RASA4B: variants seen among roughly 807,000 people sequenced by gnomAD.
RASA4B encodes RAS p21 protein activator 4B.
Under a neutral mutation model 24.2 loss-of-function variants are expected in RASA4B, and 2 were observed. The observed-to-expected ratio is 0.08, with a 90% CI of 0.03 to 0.26. The LOEUF is 0.26. RASA4B is among the 10% of genes least tolerant of loss of function. The pLI, the probability that RASA4B is intolerant of heterozygous loss-of-function variation, is 1.00. For synonymous variants in RASA4B, 2 were observed against 125.6 expected (o/e 0.02, Z 6.58); for missense variants, 8 against 277.2 (o/e 0.03, Z 6.90).
intron 8 of RASA4B, among the ~76,000 whole-genome samples, chr7:102,500,111 G>A (rs1455534883): frequency 4.6e-4 from 4 of 8,784 alleles, no homozygotes; most frequent in Non-Finnish European, 3.0e-4. Flanking sequence ...CTGGGTGACA[G>A]AGCAAGACTC....
At chr7:102,490,671 C>T (rs1164104504) in intron 17 of RASA4B, among the ~76,000 whole-genome samples, 1 of 152,042 alleles carries the variant, frequency 6.6e-6, no homozygotes, top group African/African-American at 2.4e-5. Context: ...GGTAGCGGGG[C>T]GAGAGGCTCA....
chr7:102,498,893 C>T (rs1284880613), intron 8 of RASA4B, among the ~76,000 whole-genome samples: 5 of 86,588 alleles, frequency 5.8e-5, no homozygotes, highest in Admixed American at 4.4e-4. Context: ...ACATCAAGCC[C>T]GGCCATCACG....
chr7:102,489,624 C>T (rs1437348755), intron 17 of RASA4B, among the ~76,000 whole-genome samples: 2 of 149,384 alleles, frequency 1.3e-5, no homozygotes, highest in African/African-American at 4.9e-5. Context: ...CCCCAAGTAG[C>T]TGGGACTACA....
Position 102,496,120 on chromosome 7 carries a change from A to T in RASA4B, c.1071+20T>A, listed in dbSNP as rs1344787387. Reference sequence around the variant, plus strand: ...GTGTTGTCGTTTGCAAGATGAGGACAATATAGCATGCAACCTCACCTTCAG... The same window carrying T: ...GTGTTGTCGTTTGCAAGATGAGGACTATATAGCATGCAACCTCACCTTCAG... On this transcript the variant is annotated intron_variant, in intron 11 of 20. Transcript: ENST00000465829. 2 of 1,613,716 alleles carry T rather than the reference A, an allele frequency of 1.2e-6. No homozygotes were observed. Among genetic ancestry groups the T allele is most frequent in the Non-Finnish European group, 1.7e-6 (2 of 1,179,616 alleles).
At chr7:102,496,090 G>C (rs759478310) in intron 11 of RASA4B, 50 bp downstream of exon 11, 2 of 1,611,606 alleles carry the variant, frequency 1.2e-6, no homozygotes, top group South Asian at 2.2e-5. Flanking sequence ...TCTCTCTGAA[G>C]CTCAGTGTTG....
intron 17 of RASA4B, among the ~76,000 whole-genome samples, chr7:102,490,755 A>G (rs1474072940): frequency 2.3e-3 from 351 of 149,856 alleles, no homozygotes; most frequent in African/African-American, 4.2e-3. Context: ...AGCTCAGGCC[A>G]CTCCCATAGC....
At chr7:102,500,197 G>A (rs1586775233) in intron 8 of RASA4B, among the ~76,000 whole-genome samples, 1 of 61,032 alleles carries the variant, frequency 1.6e-5, no homozygotes, top group East Asian at 4.7e-4. Context: ...GAGGGGCCGG[G>A]CGCGGTGGCT....
At chr7:102,497,259 A>C (rs1163279410) in intron 8 of RASA4B, among the ~76,000 whole-genome samples, 2 of 151,474 alleles carry the variant, frequency 1.3e-5, no homozygotes, top group Non-Finnish European at 3.0e-5. Flanking sequence ...GAATCGATCA[A>C]CTCCCAGATA....
intron 17 of RASA4B, among the ~76,000 whole-genome samples, chr7:102,489,594 G>A (rs1798833828): frequency 6.7e-6 from 1 of 148,162 alleles, no homozygotes; most frequent in African/African-American, 2.5e-5. Context: ...CCAGGTTCAA[G>A]CGATTCTCCT....
chr7:102,481,635 C>A lies in RASA4B; in HGVS notation c.*1957G>T. On this transcript the variant is annotated 3_prime_UTR_variant, in exon 21 of 21. Coordinates refer to ENST00000465829, the MANE Select transcript of RASA4B (RefSeq NM_001367767.2). ...AACCAAGATCAAGCCATTTGCACTC[C>A]AGCCTGGGCAACACAGTGAGACTCT... is the stretch of plus-strand genomic sequence containing the variant. Among the ~76,000 whole-genome samples the A allele has an allele frequency of 1.1e-5, 1 of 90,202 alleles. No individual in the cohort carries two copies. Among genetic ancestry groups the A allele is most frequent in the African/African-American group, 3.4e-5 (1 of 29,552 alleles). 59.2% of individuals were successfully genotyped at this position (90,202 alleles called of 152,430 possible).
chr7:102,481,031 G>A lies in RASA4B; in HGVS notation c.*2561C>T, dbSNP rs1407632523. Among the ~76,000 whole-genome samples the A allele has an allele frequency of 2.2e-5, 2 of 91,142 alleles. 1 individual carries two copies. The highest frequency in any genetic ancestry group is 2.2e-4 in the Admixed American group (2 of 9,036). 59.8% of individuals were successfully genotyped at this position (91,142 alleles called of 152,430 possible). Reference sequence around the variant, plus strand: ...TAAAAAGATCATTTCTTAACATTTTGTTTTGTTGCAATTGGTTAAATATCT... The same window carrying A: ...TAAAAAGATCATTTCTTAACATTTTATTTTGTTGCAATTGGTTAAATATCT... On this transcript the variant is annotated 3_prime_UTR_variant, in exon 21 of 21. Coordinates refer to ENST00000465829, the MANE Select transcript of RASA4B (RefSeq NM_001367767.2).
At chr7:102,490,583 C>T (rs1376994420) in intron 17 of RASA4B, among the ~76,000 whole-genome samples, 1 of 150,952 alleles carries the variant, frequency 6.6e-6, no homozygotes, top group Non-Finnish European at 1.5e-5. Flanking sequence ...CCTGGGGGCT[C>T]AGGCCCCTGG....
At position 102,481,177 on chromosome 7, in the gene RASA4B, T is replaced by C. The variant is rs1183138339; in HGVS notation, c.*2415A>G. On this transcript the variant is annotated 3_prime_UTR_variant, in exon 21 of 21. Transcript: ENST00000465829. ...ATTCACAATGTGTAGCCATCACCAC[T>C]ATTTAGTTCAAAAATTTCAAGTCTC... Among the ~76,000 whole-genome samples, 3 of 97,424 alleles carry C rather than the reference T, an allele frequency of 3.1e-5. No individual in the cohort carries two copies. Among genetic ancestry groups the C allele is most frequent in the African/African-American group, 9.1e-5 (3 of 32,838 alleles). 63.9% of individuals were successfully genotyped at this position (97,424 alleles called of 152,430 possible). A position where few individuals can be genotyped will look rare whatever the true frequency, so the allele number is the denominator to read the frequency against.
rs1340138085 is a variant in RASA4B, at chr7:102,492,646, G to A, written c.1830+470C>T. Among the ~76,000 whole-genome samples, 5 of 144,354 alleles carry A rather than the reference G, an allele frequency of 3.5e-5. No individual in the cohort carries two copies. The East Asian group carries it at 8.4e-4, about 24-fold the overall frequency. The allele number at this position is 144,354 out of a possible 152,430, so 94.7% of individuals were successfully genotyped here. A position where few individuals can be genotyped will look rare whatever the true frequency, so the allele number is the denominator to read the frequency against. ...TAATCCTCAACAACCTGGTAAGGTC[G>A]GATCAACTTCCTCCATATTCATTTT... On this transcript the variant is annotated intron_variant, in intron 16 of 20. Transcript: ENST00000465829.
In RASA4B at chr7:102,504,551, C is replaced by T. The variant is rs1423159361; in HGVS notation, c.429-1307G>A. Among the ~76,000 whole-genome samples the T allele has an allele frequency of 1.3e-4, 4 of 29,960 alleles. 1 individual carries two copies. Among genetic ancestry groups the T allele is most frequent in the African/African-American group, 3.0e-4 (4 of 13,310 alleles). The allele number at this position is 29,960 out of a possible 152,430, so 19.7% of individuals were successfully genotyped here. A position where few individuals can be genotyped will look rare whatever the true frequency, so the allele number is the denominator to read the frequency against. ...TTGAGGCTGGGTGCAGCGGCTCATT[C>T]CTATAATCCCAGCACTTTGGGAAGG... is the stretch of plus-strand genomic sequence containing the variant. On this transcript the variant is annotated intron_variant, in intron 5 of 20. Transcript: ENST00000465829.
chr7:102,487,292 T>C lies in RASA4B; in HGVS notation c.2104+1171A>G, dbSNP rs552854419. ...GCCTGGGCAACAGAGCAAGACCCTG[T>C]TTTAAAAAATTAAACAAAAAAAACC... On this transcript the variant is annotated intron_variant, in intron 18 of 20. Transcript: ENST00000465829. 1.1e-3 allele frequency among the ~76,000 whole-genome samples: 95 copies of C among 89,892 alleles called. 22 individuals carry two copies. The highest frequency in any genetic ancestry group is 2.3e-3 in the South Asian group (6 of 2,638). The allele number at this position is 89,892 out of a possible 152,430, so 59.0% of individuals were successfully genotyped here. A position where few individuals can be genotyped will look rare whatever the true frequency, so the allele number is the denominator to read the frequency against.
rs1334133325 is a variant in RASA4B, at chr7:102,500,424, A to G, written c.737+275T>C. On this transcript the variant is annotated intron_variant, in intron 8 of 20. Coordinates refer to ENST00000465829, the MANE Select transcript of RASA4B (RefSeq NM_001367767.2). ...GAGGCGGAGCCTGCAGTGAGTCGAG[A>G]TCACGCCATTGCACTCCAGCCTGGG... 1.5e-5 allele frequency among the ~76,000 whole-genome samples: 2 copies of G among 137,292 alleles called. 1 individual carries two copies. The highest frequency in any genetic ancestry group is 3.2e-5 in the Non-Finnish European group (2 of 61,870). 90.1% of individuals were successfully genotyped at this position (137,292 alleles called of 152,430 possible).
At chr7:102,502,789 C>T (rs1668868832) in intron 6 of RASA4B, among the ~76,000 whole-genome samples, 1 of 117,578 alleles carries the variant, frequency 8.5e-6, no homozygotes, top group African/African-American at 2.7e-5. Flanking sequence ...AAACACAAAA[C>T]AAAAACAGTA....
rs1448941790 is a variant in RASA4B, at chr7:102,498,356, G to A, written c.738-1392C>T. Among the ~76,000 whole-genome samples, 4 of 145,064 alleles carry A rather than the reference G, an allele frequency of 2.8e-5. No homozygotes were observed. The Admixed American group carries it at 2.8e-4, about 10-fold the overall frequency. On this transcript the variant is annotated intron_variant, in intron 8 of 20. Coordinates refer to ENST00000465829, the MANE Select transcript of RASA4B (RefSeq NM_001367767.2). ...GGCTCACTGCAACCTCCACCTCCCA[G>A]GTTCAAGCAATTCTCCATCCTCAGC...
Sources: allele counts gnomAD v4.1 joint callset (sites outside exome capture counted in the v4.1 genomes callset), GRCh38; gene constraint gnomAD v4.1.1; transcripts MANE v1.5; gene names NCBI Gene and HGNC (gene_info 2026-07-23, HGNC 2026-07-21).